The following SH3PXD2B variants were observed in gnomAD, a reference collection of about 807,000 sequenced individuals.
The protein encoded by SH3PXD2B is SH3 and PX domains 2B.
In SH3PXD2B, 37 loss-of-function variants were observed where a neutral mutation model predicts 73.1. The ratio of observed to expected loss-of-function variants is 0.51; its 90% CI spans 0.39 to 0.67. The LOEUF (loss-of-function observed/expected upper bound fraction) is 0.67, where lower values mean the gene tolerates loss of function less well. Ranked by LOEUF, SH3PXD2B falls within the 30% of genes least tolerant of loss-of-function variation. The probability of loss-of-function intolerance (pLI) is 0.00; values close to 1 mark genes in which losing one functional copy is unlikely to be tolerated. For missense variants in SH3PXD2B, 1,053 were observed against 1,197.8 expected (o/e 0.88, Z 1.78); for synonymous variants, 457 against 480.5 (o/e 0.95, Z 0.64).
chr5:172,358,819 T>G lies in SH3PXD2B; in HGVS notation c.621A>C (p.Glu207Asp). The part of the protein sequence containing the change: ...EQGWVPATCL[E>D]GQDGVQDEFS... ...ACTCATCCTGCACCCCATCCTGGCC[T>G]TCGAGGCACGTTGCAGGGACCCAGC... The change falls in exon 8 of 13, where the codon GAA (glutamate) becomes GAC (aspartate). Residue 207 changes from glutamate (E) to aspartate (D), a missense_variant. Glu to Asp is a conservative substitution (Grantham distance 45). Transcript: ENST00000311601. 1 of 1,614,056 alleles carries G rather than the reference T, an allele frequency of 6.2e-7. No homozygotes were observed. Among genetic ancestry groups the G allele is most frequent in the Non-Finnish European group, 8.5e-7 (1 of 1,179,976 alleles).
chr5:172,358,700 G>A (rs1757333424), intron 8 of SH3PXD2B, 73 bp downstream of exon 8: 3 of 1,403,264 alleles, frequency 2.1e-6, no homozygotes, highest in South Asian at 1.2e-5. Flanking sequence ...GAGATTGGAT[G>A]AAAAGGCAAC....
rs143057203 is a variant in SH3PXD2B at position 172,371,469 on chromosome 5, G to A, written c.427+2321C>T. Reference sequence around the variant, plus strand: ...GAGTTTTGGTGTAGAAATCTCAGGAGTTAGTCTGTCAATGTTAGATCCCTT... The same window carrying A: ...GAGTTTTGGTGTAGAAATCTCAGGAATTAGTCTGTCAATGTTAGATCCCTT... On this transcript the variant is annotated intron_variant, in intron 6 of 12. Coordinates refer to ENST00000311601, the MANE Select transcript of SH3PXD2B (RefSeq NM_001017995.3). Among the ~76,000 whole-genome samples, 466 of 152,274 alleles carry A rather than the reference G, an allele frequency of 3.1e-3. 2 individuals carry two copies. The highest frequency in any genetic ancestry group is 0.01 in the African/African-American group (436 of 41,564).
chr5:172,407,255 A>G (rs554167397), intron 2 of SH3PXD2B, among the ~76,000 whole-genome samples: 14 of 152,314 alleles, frequency 9.2e-5, no homozygotes, highest in African/African-American at 3.1e-4. Flanking sequence ...GTAGATTTGT[A>G]CTTTCCCCAG....
chr5:172,348,427 C>G (rs1044994758), intron 10 of SH3PXD2B, among the ~76,000 whole-genome samples: 2 of 151,628 alleles, frequency 1.3e-5, no homozygotes, highest in Non-Finnish European at 2.9e-5. Flanking sequence ...CGTTCTGGAC[C>G]GAGGGATGAG....
intron 1 of SH3PXD2B, among the ~76,000 whole-genome samples, chr5:172,428,260 T>C (rs1759148362): frequency 6.6e-6 from 1 of 152,268 alleles, no homozygotes; most frequent in Non-Finnish European, 1.5e-5. Context: ...CCAACCAGAT[T>C]ACAAGATGGA....
At chr5:172,394,846 C>T (rs1333359140) in intron 3 of SH3PXD2B, among the ~76,000 whole-genome samples, 1 of 152,084 alleles carries the variant, frequency 6.6e-6, no homozygotes, top group African/African-American at 2.4e-5. Flanking sequence ...AGCTTTAACA[C>T]AAGGGCTTGG....
intron 10 of SH3PXD2B, among the ~76,000 whole-genome samples, chr5:172,348,900 G>T (rs901314371): frequency 6.6e-6 from 1 of 151,666 alleles, no homozygotes; most frequent in Non-Finnish European, 1.5e-5. Context: ...TTTGTAGATA[G>T]GGGGGTCTCA....
rs1392802499 is a variant in SH3PXD2B, at chr5:172,394,638, AC to A, written c.233del (p.Gly78ValfsTer18). Reference sequence around the variant, plus strand: ...TGTGGCTTCGTCTGAAGAGAATCTTACCTGCAGAAGATGAGAGCAAAGACAG... The same window carrying A: ...TGTGGCTTCGTCTGAAGAGAATCTTACTGCAGAAGATGAGAGCAAAGACAG... ...PKQRIIPFLP[G>X]KILFRRSHIR... On this transcript the variant is annotated frameshift_variant and splice_region_variant, in exon 4 of 13. Transcript: ENST00000311601. LOFTEE classifies it high-confidence loss of function. 6.2e-7 allele frequency: 1 copy of A among 1,613,878 alleles called. No homozygotes were observed. The highest frequency in any genetic ancestry group is 8.5e-7 in the Non-Finnish European group (1 of 1,179,944).
chr5:172,362,616 G>A (rs1581275445), intron 7 of SH3PXD2B, 119 bp downstream of exon 7: 11 of 1,428,362 alleles, frequency 7.7e-6, no homozygotes, highest in African/African-American at 5.6e-5. Flanking sequence ...ACCCTCAGCA[G>A]GATCTATGGG....
At chr5:172,451,461 T>TAGA (rs954739561) in intron 1 of SH3PXD2B, among the ~76,000 whole-genome samples, 31 of 152,076 alleles carry the variant, frequency 2.0e-4, no homozygotes, top group African/African-American at 6.8e-4. Flanking sequence ...ACTAGCTGGG[T>TAGA]AGAAGCCAGG....
rs750513509 is a variant in SH3PXD2B at position 172,336,638 on chromosome 5, C to T, written c.*1731G>A. ...CCCCAAAAAACTGGCTTTGTGGGTC[C>T]AAAAGTATCTCGCCTGATGAACACT... On this transcript the variant is annotated 3_prime_UTR_variant, in exon 13 of 13. Transcript: ENST00000311601. 7.3e-6 allele frequency: 7 copies of T among 958,002 alleles called. No homozygotes were observed. The highest frequency in any genetic ancestry group is 8.5e-6 in the Non-Finnish European group (7 of 824,434). 59.3% of individuals were successfully genotyped at this position (958,002 alleles called of 1,614,324 possible).
At chr5:172,440,445 C>T (rs763979653) in intron 1 of SH3PXD2B, among the ~76,000 whole-genome samples, 5 of 152,132 alleles carry the variant, frequency 3.3e-5, no homozygotes, top group African/African-American at 9.7e-5. Context: ...GTCTAGGTGT[C>T]GGGACTTGCA....
intron 4 of SH3PXD2B, among the ~76,000 whole-genome samples, chr5:172,392,489 C>T (rs1409504716): frequency 1.3e-5 from 2 of 152,038 alleles, no homozygotes; most frequent in African/African-American, 2.4e-5. Flanking sequence ...CTATCCTTTT[C>T]GGCCCAGCAT....
At chr5:172,354,030 GT>G in intron 8 of SH3PXD2B, 25 bp from the exon 9 acceptor site, 1 of 1,601,404 alleles carries the variant, frequency 6.2e-7, no homozygotes. Flanking sequence ...GGAAGCTGGG[GT>G]CAGAAGAGGA....
chr5:172,383,550 T>G (rs777065751), intron 4 of SH3PXD2B, among the ~76,000 whole-genome samples: 1 of 152,222 alleles, frequency 6.6e-6, no homozygotes, highest in African/African-American at 2.4e-5. Flanking sequence ...TAAGCCTCCT[T>G]TGGCCCGGGC....
At chr5:172,327,005 C>CT (rs10643759) in intron 12 of SH3PXD2B, among the ~76,000 whole-genome samples, 2 of 150,938 alleles carry the variant, frequency 1.3e-5, no homozygotes, top group Non-Finnish European at 3.0e-5. Context: ...TACAGGCATG[C>CT]GCCACCACCA....
chr5:172,418,338 G>A (rs139178943), intron 2 of SH3PXD2B, among the ~76,000 whole-genome samples: 236 of 152,334 alleles, frequency 1.5e-3, no homozygotes, highest in African/African-American at 5.4e-3. Flanking sequence ...ACCAATGAGG[G>A]CTCTCAGGCA....
chr5:172,337,412 G>T lies in SH3PXD2B; in HGVS notation c.*957C>A. ...TGGTGTGTCCTTGGGCACATGGAGC[G>T]TGAATTTCCTCATCTATAAAGGGAG... On this transcript the variant is annotated 3_prime_UTR_variant, in exon 13 of 13. Transcript: ENST00000311601. 1 of 978,962 alleles carries T rather than the reference G, an allele frequency of 1.0e-6. No individual in the cohort carries two copies. The highest frequency in any genetic ancestry group is 1.2e-6 in the Non-Finnish European group (1 of 824,050). 60.6% of individuals were successfully genotyped at this position (978,962 alleles called of 1,614,324 possible).
chr5:172,396,607 A>C (rs544987667), intron 3 of SH3PXD2B, among the ~76,000 whole-genome samples: 2 of 147,420 alleles, frequency 1.4e-5, no homozygotes, highest in South Asian at 4.3e-4. Context: ...TTAAAAAAAG[A>C]GAGAAAGCCT....
Sources: gnomAD v4.1 joint callset for allele counts (sites outside exome capture counted in the v4.1 genomes callset) on GRCh38, gnomAD v4.1.1 for gene constraint, MANE v1.5 for transcripts, NCBI Gene and HGNC (gene_info 2026-07-23, HGNC 2026-07-21) for gene names.